SLC9A2: variants seen among roughly 807,000 people sequenced by gnomAD.
The protein encoded by SLC9A2 is solute carrier family 9 member A2, also known as sodium/hydrogen exchanger 2.
Under a neutral mutation model 71.7 loss-of-function variants are expected in SLC9A2, and 42 were observed. The observed-to-expected ratio is 0.59, with a 90% CI of 0.46 to 0.76. SLC9A2 has a LOEUF of 0.76. Ranked by LOEUF, SLC9A2 falls within the 30% of genes least tolerant of loss-of-function variation. SLC9A2 has a pLI of 0.00. For missense variants in SLC9A2, 829 were observed against 1,017.4 expected, an observed-to-expected ratio of 0.81 and a Z score of 2.52; for synonymous variants, 396 against 392.5, an observed-to-expected ratio of 1.01 and a Z score of -0.10.
intron 3 of SLC9A2, among the ~76,000 whole-genome samples, chr2:102,680,158 A>ATT (rs11464839): frequency 5.3e-5 from 8 of 151,384 alleles, no homozygotes; most frequent in African/African-American, 7.3e-5. Flanking sequence ...ACTTGGCAAC[A>ATT]TTTTTTTTTC....
chr2:102,702,025 GT>G (rs1370345628), intron 8 of SLC9A2, among the ~76,000 whole-genome samples: 1 of 152,156 alleles, frequency 6.6e-6, no homozygotes, highest in Non-Finnish European at 1.5e-5. Flanking sequence ...TTATGATGAG[GT>G]TTTTAAAATA....
At chr2:102,638,910 G>C (rs767066636) in intron 1 of SLC9A2, among the ~76,000 whole-genome samples, 1 of 152,246 alleles carries the variant, frequency 6.6e-6, no homozygotes, top group Non-Finnish European at 1.5e-5. Context: ...AAATCCAGGA[G>C]TGATGGCTTA....
chr2:102,657,536 T>A, intron 1 of SLC9A2, 28 bp from the exon 2 acceptor site: 2 of 1,497,210 alleles, frequency 1.3e-6, no homozygotes, highest in Non-Finnish European at 9.1e-7. Flanking sequence ...ATAACCCAAG[T>A]TGTGTGTTTT....
At position 102,670,259 on chromosome 2, in the gene SLC9A2, G is replaced by A. The variant is rs185968611; in HGVS notation, c.1004+4909G>A. Reference sequence around the variant, plus strand: ...TCTCGATCTCCTGACCTCGTGATCCGCCCACCTCGGCCTCCCAAAGTGCTG... The same window carrying A: ...TCTCGATCTCCTGACCTCGTGATCCACCCACCTCGGCCTCCCAAAGTGCTG... On this transcript the variant is annotated intron_variant, in intron 3 of 11. Transcript: ENST00000233969. Among the ~76,000 whole-genome samples the A allele has an allele frequency of 2.7e-3, 413 of 151,002 alleles. 8 individuals carry two copies. The highest frequency in any genetic ancestry group is 9.4e-3 in the African/African-American group (386 of 41,156).
intron 11 of SLC9A2, 101 bp from the exon 12 acceptor site, chr2:102,708,018 C>T: frequency 2.3e-6 from 3 of 1,284,764 alleles, no homozygotes; most frequent in African/African-American, 3.0e-5. Flanking sequence ...CTCCCCAGAG[C>T]CCCAGGACGT....
intron 3 of SLC9A2, among the ~76,000 whole-genome samples, chr2:102,670,599 CAAAAAAAAAAAA>C (rs66543071): frequency 1.3e-5 from 1 of 79,982 alleles, no homozygotes; most frequent in Admixed American, 1.5e-4. Context: ...CTCCCCCCAC[CAAAAAAAAAAAA>C]AAAAAAAAAA....
At chr2:102,631,465 C>G (rs1456012251) in intron 1 of SLC9A2, among the ~76,000 whole-genome samples, 1 of 151,890 alleles carries the variant, frequency 6.6e-6, no homozygotes, top group Non-Finnish European at 1.5e-5. Flanking sequence ...TCAGGAGTTC[C>G]CCTGGTTCAC....
intron 1 of SLC9A2, among the ~76,000 whole-genome samples, chr2:102,644,631 AGG>A (rs1373245006): frequency 6.6e-6 from 1 of 152,144 alleles, no homozygotes; most frequent in Admixed American, 6.5e-5. Flanking sequence ...TGGTGCAGGG[AGG>A]GGTACCTGCC....
At chr2:102,643,987 G>C (rs900795127) in intron 1 of SLC9A2, among the ~76,000 whole-genome samples, 1 of 151,200 alleles carries the variant, frequency 6.6e-6, no homozygotes, top group Non-Finnish European at 1.5e-5. Flanking sequence ...CATTACTTTT[G>C]TCACTGATTA....
intron 1 of SLC9A2, among the ~76,000 whole-genome samples, chr2:102,651,259 C>T (rs570733802): frequency 7.2e-5 from 11 of 152,314 alleles, no homozygotes; most frequent in Admixed American, 5.2e-4. Flanking sequence ...GTGTTTTCAA[C>T]GGTGGGGACC....
At position 102,671,512 on chromosome 2, in the gene SLC9A2, A is replaced by G. The variant is rs528074850; in HGVS notation, c.1004+6162A>G. Among the ~76,000 whole-genome samples the G allele has an allele frequency of 1.0e-3, 154 of 152,348 alleles. 1 individual carries two copies. The highest frequency in any genetic ancestry group is 3.5e-3 in the African/African-American group (146 of 41,594). Reference sequence around the variant, plus strand: ...GTGATTATCTTTTCTTTTCTATTGTATAACTTTGCCTGAACTGTAGGGTAA... The same window carrying G: ...GTGATTATCTTTTCTTTTCTATTGTGTAACTTTGCCTGAACTGTAGGGTAA... On this transcript the variant is annotated intron_variant, in intron 3 of 11. Transcript: ENST00000233969.
chr2:102,695,766 ATATAATATATATTATATATATAT>A lies in SLC9A2; in HGVS notation c.1586+658_1586+680del, dbSNP rs1677744018. On this transcript the variant is annotated intron_variant, in intron 7 of 11. Transcript: ENST00000233969. ...ATGAGCAGAAATAACGTGTATATAT[ATATAATATATATTATATATATAT>A]TATATATATATTATATATATATATA... Among the ~76,000 whole-genome samples, 2 of 125,026 alleles carry A rather than the reference ATATAATATATATTATATATATAT, an allele frequency of 1.6e-5. 1 individual carries two copies. The highest frequency in any genetic ancestry group is 4.6e-4 in the South Asian group (2 of 4,366). The allele number at this position is 125,026 out of a possible 152,430, so 82.0% of individuals were successfully genotyped here.
intron 7 of SLC9A2, among the ~76,000 whole-genome samples, chr2:102,695,801 TATATATATATATA>T (rs1677753912): frequency 2.3e-4 from 14 of 62,146 alleles, no homozygotes; most frequent in East Asian, 1.1e-3. Flanking sequence ...ATATATATAT[TATATATATATATA>T]ATATATATAT....
intron 1 of SLC9A2, among the ~76,000 whole-genome samples, chr2:102,637,921 T>G (rs1676499800): frequency 6.6e-6 from 1 of 152,204 alleles, no homozygotes; most frequent in Non-Finnish European, 1.5e-5. Context: ...CCCTGAGAGA[T>G]GGGAGGGGTT....
At chr2:102,656,101 G>A (rs754334318) in intron 1 of SLC9A2, among the ~76,000 whole-genome samples, 5 of 152,232 alleles carry the variant, frequency 3.3e-5, no homozygotes, top group Non-Finnish European at 5.9e-5. Context: ...GTTCTAAAAC[G>A]TATTGAATGC....
intron 5 of SLC9A2, chr2:102,686,430 T>C (rs1298591115): frequency 6.6e-6 from 1 of 152,250 alleles, no homozygotes; most frequent in African/African-American, 2.4e-5. Flanking sequence ...AAAAGACAGT[T>C]CATCCTTCAT....
chr2:102,696,724 G>A (rs180735224), intron 7 of SLC9A2, among the ~76,000 whole-genome samples: 1 of 152,274 alleles, frequency 6.6e-6, no homozygotes, highest in Admixed American at 6.5e-5. Context: ...ACAGGGCCCT[G>A]GGACTCAGCC....
chr2:102,708,207 C>A lies in SLC9A2; in HGVS notation c.2157C>A (p.Phe719Leu), dbSNP rs1337408612. 4 of 1,614,170 alleles carry A rather than the reference C, an allele frequency of 2.5e-6. No individual in the cohort carries two copies. The highest frequency in any genetic ancestry group is 4.5e-5 in the East Asian group (2 of 44,880). The change falls in exon 12 of 12, where the codon TTC (phenylalanine) becomes TTA (leucine). Residue 719 changes from phenylalanine to leucine, a missense_variant. This residue lies in a region of SLC9A2 where 223 missense variants were observed against 197.5 expected (regional missense o/e 1.13). Coordinates refer to ENST00000233969, the MANE Select transcript of SLC9A2 (RefSeq NM_003048.6). ...CCAGGCGCTTCTTGCCAGAACAGTT[C>A]TCCAAGAAATCCCCCCAGTCCTATA... ...PRARRFLPEQ[F>L]SKKSPQSYKM...
intron 1 of SLC9A2, among the ~76,000 whole-genome samples, chr2:102,656,311 A>G (rs1676941348): frequency 6.6e-6 from 1 of 152,148 alleles, no homozygotes. Context: ...GAATTAAGAG[A>G]TGGATATTTC....
Sources: allele counts gnomAD v4.1 joint callset (sites outside exome capture counted in the v4.1 genomes callset), GRCh38; gene constraint gnomAD v4.1.1; regional missense constraint gnomAD v4.1.1; transcripts MANE v1.5; gene names NCBI Gene and HGNC (gene_info 2026-07-23, HGNC 2026-07-21).